KEL: variants seen among roughly 807,000 people sequenced by gnomAD.
KEL encodes the protein Kell metallo-endopeptidase (Kell blood group).
A neutral mutation model predicts 99.5 loss-of-function variants in KEL; 96 were observed. The observed-to-expected ratio is 0.97, with a 90% CI of 0.82 to 1.14. The LOEUF is 1.14. Among genes scored for constraint, KEL ranks in the 50% most tolerant of loss-of-function variants. KEL has a pLI of 0.00. For synonymous variants in KEL, 355 were observed against 354.8 expected (o/e 1.00, Z -0.01); for missense variants, 926 against 924.2 (o/e 1.00, Z -0.03).
intron 10 of KEL, among the ~76,000 whole-genome samples, chr7:142,951,301 C>A (rs1796681428): frequency 6.6e-6 from 1 of 152,170 alleles, no homozygotes; most frequent in Non-Finnish European, 1.5e-5. Context: ...TTATAGGTAG[C>A]TGTTTGTTGC....
At chr7:142,954,677 G>A in intron 6 of KEL, 150 bp from the exon 7 acceptor site, 2 of 763,468 alleles carry the variant, frequency 2.6e-6, no homozygotes, top group Non-Finnish European at 4.7e-6. Flanking sequence ...AGAAAGGGAG[G>A]GATTAAGGGT....
chr7:142,957,891 TG>T lies in KEL; in HGVS notation c.607del (p.His203IlefsTer9). On this transcript the variant is annotated frameshift_variant, in exon 6 of 19. Coordinates refer to ENST00000355265, the MANE Select transcript of KEL (RefSeq NM_000420.3). LOFTEE classifies it high-confidence loss of function. ...TAGGTAGGCTCTGAAGAAAGGGAAA[TG>T]GCCATACTGACTCATCAGAAGTCTC... ...TLRLLMSQYG[H>X]FPFFRAYLGP... 6.2e-7 allele frequency: 1 copy of T among 1,614,058 alleles called. No homozygotes were observed. Among genetic ancestry groups the T allele is most frequent in the Non-Finnish European group, 8.5e-7 (1 of 1,180,002 alleles).
chr7:142,960,851 G>C, intron 4 of KEL, 77 bp downstream of exon 4: 1 of 1,385,390 alleles, frequency 7.2e-7, no homozygotes, highest in Non-Finnish European at 1.0e-6. Context: ...AACTACACAG[G>C]GTTTGGAGCA....
In KEL at chr7:142,943,026, A is replaced by G. The variant is rs8176038; in HGVS notation, c.1790T>C (p.Leu597Pro). The G allele has an allele frequency of 5.0e-3, 8,033 of 1,614,116 alleles. 312 individuals carry two copies. In the African/African-American group the frequency reaches 0.089, roughly 18 times the overall value. The change falls in exon 17 of 19, where the codon CTC becomes CCC. Residue 597 changes from leucine (L) to proline (P), a missense_variant. Physicochemically the swap from Leu to Pro is moderately conservative, Grantham distance 98. Transcript: ENST00000355265. ...FYQLLLPGGC[L>P]ACDNHALQEA... is the part of the protein sequence containing the mutation. ...CTGGAGGGCATGGTTGTCACAGGCGAGGCAGCCCCCAGGCAGTACTGTTGA... is the reference window on the plus strand; with the variant it reads ...CTGGAGGGCATGGTTGTCACAGGCGGGGCAGCCCCCAGGCAGTACTGTTGA...
chr7:142,949,632 G>T (rs1175050202), intron 10 of KEL, among the ~76,000 whole-genome samples: 1 of 152,156 alleles, frequency 6.6e-6, no homozygotes, highest in Non-Finnish European at 1.5e-5. Flanking sequence ...AGTACACTAG[G>T]TTCTCAATAA....
At position 142,953,928 on chromosome 7, in the gene KEL, G is replaced by T; in HGVS notation, c.953C>A (p.Ser318Tyr). The T allele has an allele frequency of 6.2e-7, 1 of 1,614,194 alleles. No homozygotes were observed. The highest frequency in any genetic ancestry group is 8.5e-7 in the Non-Finnish European group (1 of 1,180,020). ...CGGTGTGAATGTCGCTTGCAAGCAG[G>T]ACAACCAGTCGATGGCGGGGGCCAT... ...KEMAPAIDWL[S>Y]CLQATFTPMS... Residue 318 changes from serine to tyrosine, a missense_variant, in exon 9 of 19, where the codon TCC becomes TAC. Physicochemically the swap from Ser to Tyr is moderately radical, Grantham distance 144 (BLOSUM62 -2). Coordinates refer to ENST00000355265, the MANE Select transcript of KEL (RefSeq NM_000420.3).
intron 10 of KEL, chr7:142,946,553 A>G: frequency 3.4e-6 from 2 of 581,966 alleles, no homozygotes; most frequent in Non-Finnish European, 3.1e-6. Flanking sequence ...GTTATTGCCT[A>G]TTGAATTTGA....
chr7:142,953,441 T>G, intron 9 of KEL: 1 of 946,090 alleles, frequency 1.1e-6, no homozygotes, highest in Non-Finnish European at 1.3e-6. Flanking sequence ...CCTCAGCTGC[T>G]AAAAAGACAT....
At chr7:142,949,429 T>C (rs900607478) in intron 10 of KEL, among the ~76,000 whole-genome samples, 2 of 152,264 alleles carry the variant, frequency 1.3e-5, no homozygotes, top group African/African-American at 4.8e-5. Context: ...GAATCCTAAC[T>C]ACCACTCACT....
chr7:142,941,145 T>G lies in KEL; in HGVS notation c.*107A>C. 7.7e-6 allele frequency: 10 copies of G among 1,294,874 alleles called. No individual in the cohort carries two copies. The highest frequency in any genetic ancestry group is 2.4e-5 in the East Asian group (1 of 42,530). 80.2% of individuals were successfully genotyped at this position (1,294,874 alleles called of 1,614,324 possible). A position where few individuals can be genotyped will look rare whatever the true frequency, so the allele number is the denominator to read the frequency against. The stretch of plus-strand genomic sequence containing the variant: ...GACAAGCGGAAGCCAAGTGCCAGCT[T>G]TTATTTTTGGAACAGAAGCAGAAAG... On this transcript the variant is annotated 3_prime_UTR_variant, in exon 19 of 19. Coordinates refer to ENST00000355265, the MANE Select transcript of KEL (RefSeq NM_000420.3).
intron 2 of KEL, 35 bp downstream of exon 2, chr7:142,961,760 A>G (rs762914536): frequency 6.5e-7 from 1 of 1,538,366 alleles, no homozygotes; most frequent in Admixed American, 1.7e-5. Context: ...TGACAACATC[A>G]GTGTATTCCA....
rs756600505 is a variant in KEL at position 142,961,843 on chromosome 7, CG to C, written c.32del (p.Pro11ArgfsTer39). 3.7e-6 allele frequency: 6 copies of C among 1,613,942 alleles called. No individual in the cohort carries two copies. Among genetic ancestry groups the C allele is most frequent in the African/African-American group, 1.3e-5 (1 of 74,876 alleles). ...TTCCACCTGCCTGGCTGCGTTCCCT[CG>C]GCTCTTCCTCACTTTGGTCCCCACC... Reference protein sequence around the residue: MEGGDQSEEEPRERSQAGGMG... With the variant: MEGGDQSEEEXRERSQAGGMG... On this transcript the variant is annotated frameshift_variant, in exon 2 of 19. Transcript: ENST00000355265. LOFTEE classifies it high-confidence loss of function.
At chr7:142,951,095 A>G (rs939435464) in intron 10 of KEL, among the ~76,000 whole-genome samples, 1 of 152,258 alleles carries the variant, frequency 6.6e-6, no homozygotes, top group African/African-American at 2.4e-5. Context: ...AGAAAGGTGA[A>G]GTGGCGTCCC....
At chr7:142,957,684 A>G (rs1187577843) in intron 6 of KEL, 143 bp downstream of exon 6, 9 of 1,009,328 alleles carry the variant, frequency 8.9e-6, no homozygotes, top group Non-Finnish European at 1.4e-5. Flanking sequence ...CTTTCACATC[A>G]ATAATTTTCC....
At position 142,957,924 on chromosome 7, in the gene KEL, C is replaced by A; in HGVS notation, c.575G>T (p.Arg192Leu). Residue 192 changes from arginine to leucine, a missense_variant, in exon 6 of 19, where the codon CGA becomes CTA. Physicochemically the swap from Arg to Leu is moderately radical, Grantham distance 102. Transcript: ENST00000355265. ...SGKWTSLNFNRTLRLLMSQYG... is the reference protein window; with the variant it reads ...SGKWTSLNFNLTLRLLMSQYG... ...CTGACTCATCAGAAGTCTCAGCGTTCGGTTAAAGTTTAAGGAAGTCCATTT... is the reference window on the plus strand; with the variant it reads ...CTGACTCATCAGAAGTCTCAGCGTTAGGTTAAAGTTTAAGGAAGTCCATTT... The A allele has an allele frequency of 6.2e-7, 1 of 1,614,062 alleles. No homozygotes were observed. Among genetic ancestry groups the A allele is most frequent in the Non-Finnish European group, 8.5e-7 (1 of 1,180,000 alleles).
At chr7:142,952,421 C>T in intron 10 of KEL, 88 bp downstream of exon 10, 1 of 1,547,020 alleles carries the variant, frequency 6.5e-7, no homozygotes, top group Non-Finnish European at 8.9e-7. Flanking sequence ...CGGCCCCCTC[C>T]CTGAGAGAGA....
chr7:142,961,637 C>G, intron 2 of KEL, 136 bp from the exon 3 acceptor site: 4 of 1,351,818 alleles, frequency 3.0e-6, no homozygotes, highest in Non-Finnish European at 4.2e-6. Flanking sequence ...CTTCCTAAAC[C>G]CAGCCCTACT....
chr7:142,952,051 G>C (rs1265479997), intron 10 of KEL, among the ~76,000 whole-genome samples: 1 of 152,012 alleles, frequency 6.6e-6, no homozygotes, highest in Admixed American at 6.6e-5. Flanking sequence ...TGGCCCAGTG[G>C]ATCCCACTGG....
chr7:142,957,817 C>T lies in KEL; in HGVS notation c.672+10G>A. The T allele has an allele frequency of 3.1e-6, 5 of 1,613,912 alleles. No homozygotes were observed. Among genetic ancestry groups the T allele is most frequent in the Non-Finnish European group, 4.2e-6 (5 of 1,179,984 alleles). ...AGGTCCAACTGTGTCTTCGCCAGTGCATCCCTCACCTGGATGACTGGTGTG... is the reference window on the plus strand; with the variant it reads ...AGGTCCAACTGTGTCTTCGCCAGTGTATCCCTCACCTGGATGACTGGTGTG... On this transcript the variant is annotated intron_variant, in intron 6 of 18. Coordinates refer to ENST00000355265, the MANE Select transcript of KEL (RefSeq NM_000420.3).
Sources: allele counts gnomAD v4.1 joint callset (sites outside exome capture counted in the v4.1 genomes callset), GRCh38; gene constraint gnomAD v4.1.1; transcripts MANE v1.5; gene names NCBI Gene and HGNC (gene_info 2026-07-23, HGNC 2026-07-21).